PCDHB12: variants seen among roughly 807,000 people sequenced by gnomAD.
PCDHB12 encodes the protein protocadherin beta 12, also known as protocadherin beta-12.
For synonymous variants in PCDHB12, 560 were observed against 445.2 expected (o/e 1.26, Z -3.24); for missense variants, 1,192 against 998.2 (o/e 1.19, Z -2.62).
At position 141,211,565 on chromosome 5, in the gene PCDHB12, CT is replaced by C; in HGVS notation, c.*273del. 1 of 471,196 alleles carries C rather than the reference CT, an allele frequency of 2.1e-6. No individual in the cohort carries two copies. 29.2% of individuals were successfully genotyped at this position (471,196 alleles called of 1,614,324 possible). ...GTCTTGTTTGAGATATTTTAAATTG[CT>C]TTCCATTGTTTTCAATATTTACTGT... is the stretch of plus-strand genomic sequence containing the variant. On this transcript the variant is annotated 3_prime_UTR_variant, in exon 1 of 1. Transcript: ENST00000239450.
rs189587453 is a variant in PCDHB12, at chr5:141,211,691, A to G, written c.*396A>G. On this transcript the variant is annotated 3_prime_UTR_variant, in exon 1 of 1. Transcript: ENST00000239450. Reference sequence around the variant, plus strand: ...GTACCTTTTTAAACTTTATTTTTTTAAAAAAAGTTGTTTTATGAATCATAC... The same window carrying G: ...GTACCTTTTTAAACTTTATTTTTTTGAAAAAAGTTGTTTTATGAATCATAC... 4.4e-6 allele frequency: 1 copy of G among 225,384 alleles called. No individual in the cohort carries two copies. The highest frequency in any genetic ancestry group is 9.7e-6 in the Non-Finnish European group (1 of 103,328). The allele number at this position is 225,384 out of a possible 1,614,324, so 14.0% of individuals were successfully genotyped here. A position where few individuals can be genotyped will look rare whatever the true frequency, so the allele number is the denominator to read the frequency against.
In PCDHB12 at chr5:141,210,108, T is replaced by G. The variant is rs1224588538; in HGVS notation, c.1201T>G (p.Tyr401Asp). 3.1e-6 allele frequency: 5 copies of G among 1,614,152 alleles called. No individual in the cohort carries two copies. The highest frequency in any genetic ancestry group is 4.2e-6 in the Non-Finnish European group (5 of 1,180,026). The change falls in exon 1 of 1, where the codon TAC becomes GAC. Residue 401 changes from tyrosine (Y) to aspartate (D), a missense_variant. Coordinates refer to ENST00000239450, the MANE Select transcript of PCDHB12 (RefSeq NM_018932.4). ...FVLKSSVNNY[Y>D]TLETERPLDR... is the part of the protein sequence containing the mutation. The stretch of plus-strand genomic sequence containing the variant: ...GCTAAAATCTTCGGTAAATAATTAC[T>G]ACACTTTGGAAACAGAGAGACCGCT...
At position 141,210,021 on chromosome 5, in the gene PCDHB12, G is replaced by A. The variant is rs1438258212; in HGVS notation, c.1114G>A (p.Asp372Asn). 1.2e-6 allele frequency: 2 copies of A among 1,614,072 alleles called. No homozygotes were observed. The highest frequency in any genetic ancestry group is 2.7e-5 in the African/African-American group (2 of 74,930). ...TGTGGTTATGGTTTTCAGGATACGAGACAGAGACTCTGGGGACAACGGAAA... is the reference window on the plus strand; with the variant it reads ...TGTGGTTATGGTTTTCAGGATACGAAACAGAGACTCTGGGGACAACGGAAA... ...ETVVMVFRIR[D>N]RDSGDNGKMV... The change falls in exon 1 of 1, where the codon GAC becomes AAC. Residue 372 changes from aspartate to asparagine, a missense_variant. Coordinates refer to ENST00000239450, the MANE Select transcript of PCDHB12 (RefSeq NM_018932.4).
In PCDHB12 at chr5:141,210,266, A is replaced by C; in HGVS notation, c.1359A>C (p.Gln453His). The C allele has an allele frequency of 6.2e-7, 1 of 1,613,886 alleles. No homozygotes were observed. ...DVNDNAPAFT[Q>H]TSYALFVREN... is the part of the protein sequence containing the mutation. ...ATGACAACGCCCCCGCCTTCACCCA[A>C]ACTTCCTACGCCCTGTTCGTCCGCG... The change falls in exon 1 of 1, where the codon CAA (glutamine) becomes CAC (histidine). Residue 453 changes from glutamine to histidine, a missense_variant. By Grantham distance (24) the Gln-to-His change is conservative. Transcript: ENST00000239450.
chr5:141,211,690 TA>T lies in PCDHB12; in HGVS notation c.*402del, dbSNP rs1235945015. The T allele has an allele frequency of 8.9e-6, 2 of 224,242 alleles. No individual in the cohort carries two copies. The highest frequency in any genetic ancestry group is 6.8e-5 in the South Asian group (1 of 14,746). The allele number at this position is 224,242 out of a possible 1,614,324, so 13.9% of individuals were successfully genotyped here. A position where few individuals can be genotyped will look rare whatever the true frequency, so the allele number is the denominator to read the frequency against. On this transcript the variant is annotated 3_prime_UTR_variant, in exon 1 of 1. Transcript: ENST00000239450. ...TGTACCTTTTTAAACTTTATTTTTT[TA>T]AAAAAAGTTGTTTTATGAATCATAC...
chr5:141,208,866 G>A lies in PCDHB12; in HGVS notation c.-42G>A. 2 of 1,500,200 alleles carry A rather than the reference G, an allele frequency of 1.3e-6. No homozygotes were observed. The highest frequency in any genetic ancestry group is 1.8e-6 in the Non-Finnish European group (2 of 1,123,254). The allele number at this position is 1,500,200 out of a possible 1,614,324, so 92.9% of individuals were successfully genotyped here. On this transcript the variant is annotated 5_prime_UTR_variant, in exon 1 of 1. Coordinates refer to ENST00000239450, the MANE Select transcript of PCDHB12 (RefSeq NM_018932.4). ...TCCCACAACTGCGAAGAGGCGCTGA[G>A]GCAATTCTGCAAGAAGATTTTGGGG... is the stretch of plus-strand genomic sequence containing the variant.
Position 141,209,325 on chromosome 5 carries a change from T to C in PCDHB12, c.418T>C (p.Leu140=), listed in dbSNP as rs782424977. 1.2e-5 allele frequency: 19 copies of C among 1,614,210 alleles called. No homozygotes were observed. The highest frequency in any genetic ancestry group is 1.6e-5 in the Non-Finnish European group (19 of 1,180,046). The part of the protein sequence containing the change: ...SPVFLEKEML[L]EIPENSPVGA... ...CGTCTTCTTGGAAAAAGAAATGCTC[T>C]TAGAAATCCCAGAGAACAGTCCTGT... The change falls in exon 1 of 1, where the codon TTA becomes CTA. Residue 140 remains leucine, a synonymous_variant. Transcript: ENST00000239450.
At position 141,210,701 on chromosome 5, in the gene PCDHB12, G is replaced by C; in HGVS notation, c.1794G>C (p.Gln598His). 4.3e-6 allele frequency: 7 copies of C among 1,609,886 alleles called. No individual in the cohort carries two copies. Among genetic ancestry groups the C allele is most frequent in the Non-Finnish European group, 5.9e-6 (7 of 1,179,630 alleles). ...KVVAVDGDSGQNAWLSYQLLK... is the reference protein window; with the variant it reads ...KVVAVDGDSGHNAWLSYQLLK... ...TGGCGGTGGACGGTGACTCGGGCCA[G>C]AACGCCTGGCTGTCGTACCAGCTGC... Residue 598 changes from glutamine to histidine, a missense_variant, in exon 1 of 1, where the codon CAG becomes CAC. Coordinates refer to ENST00000239450, the MANE Select transcript of PCDHB12 (RefSeq NM_018932.4).
rs782497642 is a variant in PCDHB12, at chr5:141,209,740, C to G, written c.833C>G (p.Ser278Cys). Reference sequence around the variant, plus strand: ...GACTCTGGAACAAACAGTGAACTATCCTATACCTTTTCCCATGCCTCAGAA... The same window carrying G: ...GACTCTGGAACAAACAGTGAACTATGCTATACCTTTTCCCATGCCTCAGAA... Reference protein sequence around the residue: ...DLDSGTNSELSYTFSHASEDI... With the variant: ...DLDSGTNSELCYTFSHASEDI... The change falls in exon 1 of 1, where the codon TCC becomes TGC. Residue 278 changes from serine to cysteine, a missense_variant. Transcript: ENST00000239450. 9.3e-6 allele frequency: 15 copies of G among 1,614,088 alleles called. No homozygotes were observed. In the Admixed American group the frequency reaches 2.5e-4, roughly 27 times the overall value.
rs781852560 is a variant in PCDHB12, at chr5:141,209,436, C to A, written c.529C>A (p.His177Asn). The change falls in exon 1 of 1, where the codon CAT becomes AAT. Residue 177 changes from histidine to asparagine, a missense_variant. Physicochemically the swap from His to Asn is moderately conservative, Grantham distance 68. Coordinates refer to ENST00000239450, the MANE Select transcript of PCDHB12 (RefSeq NM_018932.4). ...AAGCTACACAATAAATCCGAACTCT[C>A]ATTTCCACGTTAAAATAAGAGTCAA... is the stretch of plus-strand genomic sequence containing the variant. ...VKSYTINPNS[H>N]FHVKIRVNPD... 1.2e-6 allele frequency: 2 copies of A among 1,614,200 alleles called. No homozygotes were observed. The highest frequency in any genetic ancestry group is 1.7e-5 in the Admixed American group (1 of 60,028).
chr5:141,209,611 T>C lies in PCDHB12; in HGVS notation c.704T>C (p.Ile235Thr), dbSNP rs781995538. Residue 235 changes from isoleucine (I) to threonine (T), a missense_variant, in exon 1 of 1, where the codon ATT becomes ACT. By Grantham distance (89) the Ile-to-Thr change is moderately conservative (BLOSUM62 -1). Coordinates refer to ENST00000239450, the MANE Select transcript of PCDHB12 (RefSeq NM_018932.4). ...TTGGTCAGGGTGGTGGTTGTAGATATTAATGACAACTCCCCTGAGTTTGAG... is the reference window on the plus strand; with the variant it reads ...TTGGTCAGGGTGGTGGTTGTAGATACTAATGACAACTCCCCTGAGTTTGAG... ...TALVRVVVVD[I>T]NDNSPEFEQA... 6.2e-7 allele frequency: 1 copy of C among 1,614,046 alleles called. No individual in the cohort carries two copies. The highest frequency in any genetic ancestry group is 1.3e-5 in the African/African-American group (1 of 74,906).
chr5:141,210,093 T>A lies in PCDHB12; in HGVS notation c.1186T>A (p.Ser396Thr), dbSNP rs782456605. 7 of 1,614,060 alleles carry A rather than the reference T, an allele frequency of 4.3e-6. No individual in the cohort carries two copies. In the African/African-American group the frequency reaches 8.0e-5, roughly 18 times the overall value. The stretch of plus-strand genomic sequence containing the variant: ...GGACATCCCATTCGTGCTAAAATCT[T>A]CGGTAAATAATTACTACACTTTGGA... ...PEDIPFVLKS[S>T]VNNYYTLETE... Residue 396 changes from serine (S) to threonine (T), a missense_variant, in exon 1 of 1, where the codon TCG (serine) becomes ACG (threonine). Coordinates refer to ENST00000239450, the MANE Select transcript of PCDHB12 (RefSeq NM_018932.4).
rs781980011 is a variant in PCDHB12, at chr5:141,211,173, A to G, written c.2266A>G (p.Thr756Ala). Residue 756 changes from threonine to alanine, a missense_variant, in exon 1 of 1, where the codon ACT (threonine) becomes GCT (alanine). Thr to Ala is a moderately conservative substitution (Grantham distance 58). Coordinates refer to ENST00000239450, the MANE Select transcript of PCDHB12 (RefSeq NM_018932.4). Reference protein sequence around the residue: ...SQSYHYEVCVTGGSRSNKFKF... With the variant: ...SQSYHYEVCVAGGSRSNKFKF... ...GAGCTACCACTATGAGGTGTGTGTG[A>G]CTGGAGGCTCCAGGTCAAATAAGTT... 49 of 1,614,004 alleles carry G rather than the reference A, an allele frequency of 3.0e-5. 1 individual carries two copies. The highest frequency in any genetic ancestry group is 4.2e-5 in the Non-Finnish European group (49 of 1,180,006).
chr5:141,211,832 T>C lies in PCDHB12; in HGVS notation c.*537T>C, dbSNP rs1754469116. 1 of 175,508 alleles carries C rather than the reference T, an allele frequency of 5.7e-6. No homozygotes were observed. The highest frequency in any genetic ancestry group is 1.4e-5 in the Non-Finnish European group (1 of 73,632). The allele number at this position is 175,508 out of a possible 1,614,324, so 10.9% of individuals were successfully genotyped here. ...TCACTAAGGTCCACTAACTAATAAG[T>C]GACAAAACTGAGCATCCATCCTAGA... On this transcript the variant is annotated 3_prime_UTR_variant, in exon 1 of 1. Transcript: ENST00000239450.
chr5:141,208,958 C>T lies in PCDHB12; in HGVS notation c.51C>T (p.Phe17=). ...TGCAGATAAGGCAAGTCCTGCTTTT[C>T]TTTGTTTTGCTGGGAATGTCTCAGG... ...GTLQIRQVLL[F]FVLLGMSQAG... Residue 17 remains phenylalanine (F), a synonymous_variant, in exon 1 of 1, where the codon TTC becomes TTT. Transcript: ENST00000239450. 1.3e-6 allele frequency: 2 copies of T among 1,557,890 alleles called. No homozygotes were observed. Among genetic ancestry groups the T allele is most frequent in the Non-Finnish European group, 1.7e-6 (2 of 1,156,588 alleles).
chr5:141,210,061 T>C lies in PCDHB12; in HGVS notation c.1154T>C (p.Ile385Thr), dbSNP rs1754401422. The C allele has an allele frequency of 1.2e-6, 2 of 1,614,174 alleles. No homozygotes were observed. The highest frequency in any genetic ancestry group is 1.7e-6 in the Non-Finnish European group (2 of 1,180,032). ...SGDNGKMVCS[I>T]PEDIPFVLKS... Reference sequence around the variant, plus strand: ...GACAACGGAAAGATGGTTTGTTCTATCCCGGAGGACATCCCATTCGTGCTA... The same window carrying C: ...GACAACGGAAAGATGGTTTGTTCTACCCCGGAGGACATCCCATTCGTGCTA... The change falls in exon 1 of 1, where the codon ATC (isoleucine) becomes ACC (threonine). Residue 385 changes from isoleucine (I) to threonine (T), a missense_variant. Ile to Thr is a moderately conservative substitution (Grantham distance 89, BLOSUM62 -1). Transcript: ENST00000239450.
Position 141,210,346 on chromosome 5 carries a change from C to A in PCDHB12, c.1439C>A (p.Ser480Ter), listed in dbSNP as rs1554286922. 1 of 1,613,078 alleles carries A rather than the reference C, an allele frequency of 6.2e-7. No homozygotes were observed. The highest frequency in any genetic ancestry group is 8.5e-7 in the Non-Finnish European group (1 of 1,180,022). ...AGCATCAGCGCCACAGACAGAGACT[C>A]GGGCACCAACGCCCAGGTCAACTAC... Reference protein sequence around the residue: ...IGSISATDRDSGTNAQVNYSL... With the variant: ...IGSISATDRD The change falls in exon 1 of 1, where the codon TCG becomes TAG. Residue 480 changes from serine to a stop codon, truncating the protein, a stop_gained. Transcript: ENST00000239450. LOFTEE classifies it low-confidence loss of function (END_TRUNC).
At position 141,211,097 on chromosome 5, in the gene PCDHB12, C is replaced by G. The variant is rs571932223; in HGVS notation, c.2190C>G (p.Gly730=). 6.8e-6 allele frequency: 11 copies of G among 1,613,924 alleles called. No homozygotes were observed. The highest frequency in any genetic ancestry group is 9.3e-6 in the Non-Finnish European group (11 of 1,180,046). ...TCGGTCGCTGCTCGGTGCCTGAGGG[C>G]CCCTTTCCAGGACATCTGGTGGACG... is the stretch of plus-strand genomic sequence containing the variant. ...APVGRCSVPE[G]PFPGHLVDVS... is the part of the protein sequence containing the mutation. The change falls in exon 1 of 1, where the codon GGC becomes GGG. Residue 730 remains glycine (G), a synonymous_variant. Coordinates refer to ENST00000239450, the MANE Select transcript of PCDHB12 (RefSeq NM_018932.4).
Position 141,210,851 on chromosome 5 carries a change from CG to C in PCDHB12, c.1945del (p.Glu649SerfsTer91). 2 of 1,602,580 alleles carry C rather than the reference CG, an allele frequency of 1.2e-6. No individual in the cohort carries two copies. Among genetic ancestry groups the C allele is most frequent in the Non-Finnish European group, 1.7e-6 (2 of 1,179,092 alleles). On this transcript the variant is annotated frameshift_variant, in exon 1 of 1. Transcript: ENST00000239450. LOFTEE classifies it low-confidence loss of function (END_TRUNC). The part of the protein sequence containing the change: ...RLVVLVKDNG[E>X]PPRSATATLH... ...TGGTGGTGCTGGTCAAGGACAATGG[CG>C]AGCCTCCGCGCTCGGCCACCGCCAC...
Sources: allele counts gnomAD v4.1 joint callset, GRCh38; gene constraint gnomAD v4.1.1; transcripts MANE v1.5; gene names NCBI Gene and HGNC (gene_info 2026-07-23, HGNC 2026-07-21).